Variants in GPD2 observed in about 807,000 individuals in gnomAD.
The protein encoded by GPD2 is glycerol-3-phosphate dehydrogenase 2.
Under a neutral mutation model 82.4 loss-of-function variants are expected in GPD2, and 54 were observed. The observed-to-expected ratio is 0.66, with a 90% CI of 0.53 to 0.82. GPD2 has a LOEUF of 0.82. GPD2 is among the 40% of genes least tolerant of loss of function. The probability of loss-of-function intolerance (pLI) is 0.00; values close to 1 mark genes in which losing one functional copy is unlikely to be tolerated. For synonymous variants in GPD2, 288 were observed against 306.1 expected (o/e 0.94, Z 0.62); for missense variants, 748 against 896.2 (o/e 0.83, Z 2.11).
chr2:156,479,435 A>G (rs866865067), intron 2 of GPD2, among the ~76,000 whole-genome samples: 1 of 152,214 alleles, frequency 6.6e-6, no homozygotes, highest in Non-Finnish European at 1.5e-5. Context: ...TCATACAAGC[A>G]TATTAACAAT....
chr2:156,440,251 C>T (rs772947354), intron 1 of GPD2, among the ~76,000 whole-genome samples: 3 of 152,188 alleles, frequency 2.0e-5, no homozygotes, highest in Non-Finnish European at 4.4e-5. Flanking sequence ...AAGATATGAT[C>T]AAACTCAACT....
chr2:156,447,151 A>G (rs991539282), intron 1 of GPD2, among the ~76,000 whole-genome samples: 13 of 152,222 alleles, frequency 8.5e-5, no homozygotes, highest in Non-Finnish European at 1.6e-4. Context: ...CATTACAAAA[A>G]CAAACAAGAC....
intron 1 of GPD2, among the ~76,000 whole-genome samples, chr2:156,455,997 A>G (rs534979058): frequency 1.3e-5 from 2 of 152,318 alleles, no homozygotes; most frequent in African/African-American, 2.4e-5. Flanking sequence ...GAAGTAGTAG[A>G]TGAGTGCAGA....
the GPD2 span, among the ~76,000 whole-genome samples, chr2:156,417,874 A>G: frequency 6.6e-6 from 1 of 151,858 alleles, no homozygotes; most frequent in African/African-American, 2.4e-5. Context: ...CAGAGACCCT[A>G]TCTCTAAAAA....
At chr2:156,504,614 C>A (rs1684717274) in intron 3 of GPD2, among the ~76,000 whole-genome samples, 1 of 151,472 alleles carries the variant, frequency 6.6e-6, no homozygotes, top group African/African-American at 2.4e-5. Flanking sequence ...ATTAAAGATA[C>A]AAGGAGTTTA....
At chr2:156,538,574 A>T (rs954350483) in intron 6 of GPD2, among the ~76,000 whole-genome samples, 2 of 152,066 alleles carry the variant, frequency 1.3e-5, no homozygotes, top group African/African-American at 4.8e-5. Context: ...TAATCCCAGC[A>T]CTTTGGGAGG....
Position 156,583,180 on chromosome 2 carries a change from T to C in GPD2, c.*262T>C. ...AATGCACATTAGTTTTGCATCTGTT[T>C]TGTGACCTGTTAGATGTGACACATT... On this transcript the variant is annotated 3_prime_UTR_variant, in exon 17 of 17. Coordinates refer to ENST00000438166, the MANE Select transcript of GPD2 (RefSeq NM_000408.5). 1 of 434,250 alleles carries C rather than the reference T, an allele frequency of 2.3e-6. No individual in the cohort carries two copies. The highest frequency in any genetic ancestry group is 2.2e-5 in the South Asian group (1 of 46,376). 26.9% of individuals were successfully genotyped at this position (434,250 alleles called of 1,614,324 possible). A position where few individuals can be genotyped will look rare whatever the true frequency, so the allele number is the denominator to read the frequency against.
chr2:156,424,219 A>G, the GPD2 span, among the ~76,000 whole-genome samples: 6 of 151,640 alleles, frequency 4.0e-5, no homozygotes, highest in Non-Finnish European at 5.9e-5. Context: ...AAAAAACACT[A>G]TAAACCTATC....
At chr2:156,492,147 C>CG (rs1684200981) in intron 2 of GPD2, among the ~76,000 whole-genome samples, 1 of 75,470 alleles carries the variant, frequency 1.3e-5, no homozygotes, top group East Asian at 4.5e-4. Flanking sequence ...CCCTCCCTAC[C>CG]TTTTTTTTTT....
chr2:156,445,097 C>T (rs923594271), intron 1 of GPD2, among the ~76,000 whole-genome samples: 10 of 152,130 alleles, frequency 6.6e-5, no homozygotes, highest in African/African-American at 2.2e-4. Context: ...TTTAACCTAA[C>T]GTGGTCTTTT....
Position 156,493,368 on chromosome 2 carries a change from G to GA in GPD2, c.103-2668dup, listed in dbSNP as rs201786290. 6.2e-3 allele frequency among the ~76,000 whole-genome samples: 947 copies of GA among 151,692 alleles called. 14 individuals are homozygous for GA. Among genetic ancestry groups the GA allele is most frequent in the African/African-American group, 0.022 (896 of 41,338 alleles). On this transcript the variant is annotated intron_variant, in intron 2 of 16. Transcript: ENST00000438166. ...GTGAGGAGTAAGGAGTGAGGCAGTAGAAAAAAAACAAGATTTACAGGTCTA... is the reference window on the plus strand; with the variant it reads ...GTGAGGAGTAAGGAGTGAGGCAGTAGAAAAAAAAACAAGATTTACAGGTCTA...
At chr2:156,439,306 A>G (rs1490668411) in intron 1 of GPD2, among the ~76,000 whole-genome samples, 2 of 151,946 alleles carry the variant, frequency 1.3e-5, no homozygotes, top group Non-Finnish European at 2.9e-5. Flanking sequence ...GGCCAGGTGC[A>G]GTGGATCACA....
chr2:156,439,056 G>C (rs1176613914), intron 1 of GPD2, among the ~76,000 whole-genome samples: 1 of 152,196 alleles, frequency 6.6e-6, no homozygotes, highest in Admixed American at 6.5e-5. Flanking sequence ...GATCACCTTT[G>C]TTTTAGGAAT....
chr2:156,549,539 C>T, intron 6 of GPD2, 69 bp from the exon 7 acceptor site: 1 of 1,343,582 alleles, frequency 7.4e-7, no homozygotes, highest in Non-Finnish European at 1.1e-6. Flanking sequence ...TGTTGTGACA[C>T]ACTTTTGTAC....
chr2:156,402,823 T>G, the GPD2 span, among the ~76,000 whole-genome samples: 1 of 152,092 alleles, frequency 6.6e-6, no homozygotes, highest in African/African-American at 2.4e-5. Flanking sequence ...GCCCCTGAGA[T>G]TCTTAAATAT....
At chr2:156,566,624 C>T (rs1213121435) in intron 9 of GPD2, among the ~76,000 whole-genome samples, 1 of 152,096 alleles carries the variant, frequency 6.6e-6, no homozygotes, top group African/African-American at 2.4e-5. Context: ...TGTTGATGGA[C>T]ACTTGGTTTG....
In GPD2 at chr2:156,583,621, G is replaced by T. The variant is rs1574027854; in HGVS notation, c.*703G>T. On this transcript the variant is annotated 3_prime_UTR_variant, in exon 17 of 17. Coordinates refer to ENST00000438166, the MANE Select transcript of GPD2 (RefSeq NM_000408.5). ...TAAGATAAGGATAGCATTGACATTT[G>T]CTGGGAGTTACAGTGATAGTTTCAT... The T allele has an allele frequency of 6.5e-6, 1 of 152,880 alleles. No individual in the cohort carries two copies. The highest frequency in any genetic ancestry group is 2.4e-5 in the African/African-American group (1 of 41,400). 9.5% of individuals were successfully genotyped at this position (152,880 alleles called of 1,614,324 possible).
At chr2:156,463,579 G>T (rs1256514218) in intron 1 of GPD2, among the ~76,000 whole-genome samples, 6 of 152,166 alleles carry the variant, frequency 3.9e-5, no homozygotes, top group African/African-American at 1.4e-4. Flanking sequence ...TTGAAGGCTA[G>T]CTCATATATA....
chr2:156,487,328 A>T (rs1683983721), intron 2 of GPD2, among the ~76,000 whole-genome samples: 1 of 152,030 alleles, frequency 6.6e-6, no homozygotes, highest in Non-Finnish European at 1.5e-5. Context: ...AAAAAAAAAA[A>T]GTGCTATTTC....
Sources: allele counts gnomAD v4.1 joint callset (sites outside exome capture counted in the v4.1 genomes callset), GRCh38; gene constraint gnomAD v4.1.1; transcripts MANE v1.5; gene names NCBI Gene and HGNC (gene_info 2026-07-23, HGNC 2026-07-21).